SNX29: variants seen among roughly 807,000 people sequenced by gnomAD.
SNX29 encodes sorting nexin 29.
SNX29 carries 78 observed loss-of-function variants against 102.1 expected under a neutral mutation model. That is an observed-to-expected ratio of 0.76 (90% CI 0.64 to 0.92). The LOEUF is 0.92. Among genes scored for constraint, SNX29 ranks in the 40% least tolerant of loss-of-function variants. The probability of loss-of-function intolerance (pLI) is 0.00; values close to 1 mark genes in which losing one functional copy is unlikely to be tolerated. For missense variants in SNX29, 1,280 were observed against 1,061.7 expected, an observed-to-expected ratio of 1.21 and a Z score of -2.86; for synonymous variants, 580 against 414.5, an observed-to-expected ratio of 1.40 and a Z score of -4.85.
intron 20 of SNX29, among the ~76,000 whole-genome samples, chr16:12,537,644 TAC>T (rs1324631629): frequency 2.0e-5 from 3 of 152,068 alleles, no homozygotes; most frequent in South Asian, 2.1e-4. Context: ...TAGATATTAT[TAC>T]AGTTGTTTGC....
intron 13 of SNX29, among the ~76,000 whole-genome samples, chr16:12,158,565 TC>T (rs1328262361): frequency 6.6e-6 from 1 of 152,188 alleles, no homozygotes; most frequent in African/African-American, 2.4e-5. Flanking sequence ...TATTTTGTGG[TC>T]CATTTGCCTA....
At chr16:12,540,388 G>A (rs1325502276) in intron 20 of SNX29, among the ~76,000 whole-genome samples, 1 of 152,144 alleles carries the variant, frequency 6.6e-6, no homozygotes, top group Non-Finnish European at 1.5e-5. Flanking sequence ...CTACCAAATT[G>A]GCACAAAGTT....
intron 20 of SNX29, among the ~76,000 whole-genome samples, chr16:12,564,205 T>C (rs993694830): frequency 2.8e-4 from 39 of 139,982 alleles, no homozygotes; most frequent in African/African-American, 9.4e-4. Context: ...CTGGGCACCA[T>C]AGGGAGACCC....
At chr16:12,548,923 G>C (rs999918912) in intron 20 of SNX29, among the ~76,000 whole-genome samples, 4 of 152,224 alleles carry the variant, frequency 2.6e-5, no homozygotes, top group Non-Finnish European at 5.9e-5. Flanking sequence ...GTATTCTTCA[G>C]TACCTGCTAT....
chr16:12,527,090 A>G (rs576078542), intron 20 of SNX29: 6 of 447,160 alleles, frequency 1.3e-5, no homozygotes, highest in African/African-American at 1.2e-4. Context: ...GAAATTAAAC[A>G]GCTCTTTTAA....
intron 15 of SNX29, among the ~76,000 whole-genome samples, chr16:12,321,160 C>G (rs1740383825): frequency 6.6e-6 from 1 of 152,140 alleles, no homozygotes; most frequent in African/African-American, 2.4e-5. Flanking sequence ...CCACACTGCT[C>G]TGTTCCTACC....
chr16:12,532,928 C>A (rs1192358482), intron 20 of SNX29, among the ~76,000 whole-genome samples: 1 of 152,248 alleles, frequency 6.6e-6, no homozygotes, highest in Admixed American at 6.5e-5. Context: ...AGGCCGTCCT[C>A]CTCTGCTGCC....
intron 18 of SNX29, among the ~76,000 whole-genome samples, chr16:12,463,817 A>AGT (rs143006476): frequency 0.062 from 8,889 of 143,260 alleles, 270 homozygotes; most frequent in East Asian, 0.091. Context: ...TCCCGAAGTG[A>AGT]GTGTGTGTGT....
At chr16:12,323,014 G>A (rs1409142236) in intron 15 of SNX29, among the ~76,000 whole-genome samples, 1 of 63,326 alleles carries the variant, frequency 1.6e-5, no homozygotes. Flanking sequence ...GTCAGGATGC[G>A]GTCACTGGAG....
intron 11 of SNX29, among the ~76,000 whole-genome samples, chr16:12,097,673 AG>A (rs1162169021): frequency 6.6e-6 from 1 of 152,186 alleles, no homozygotes; most frequent in East Asian, 1.9e-4. Flanking sequence ...CTGAACTCTA[AG>A]CTAGGATCAA....
intron 6 of SNX29, among the ~76,000 whole-genome samples, chr16:12,046,970 A>T (rs2050114653): frequency 6.6e-6 from 1 of 152,154 alleles, no homozygotes; most frequent in Non-Finnish European, 1.5e-5. Flanking sequence ...GAGAAAGTGA[A>T]GATTTGAAGG....
intron 18 of SNX29, among the ~76,000 whole-genome samples, chr16:12,404,839 C>T (rs1342100278): frequency 6.6e-6 from 1 of 152,170 alleles, no homozygotes; most frequent in Non-Finnish European, 1.5e-5. Flanking sequence ...ATTCATTTCT[C>T]ACCTTCCCAA....
At chr16:12,022,974 G>A (rs1048053132) in intron 3 of SNX29, among the ~76,000 whole-genome samples, 7 of 145,650 alleles carry the variant, frequency 4.8e-5, no homozygotes, top group African/African-American at 1.8e-4. Flanking sequence ...TCAGCTCACT[G>A]CAACCTATGC....
chr16:12,449,948 G>T (rs902983060), intron 18 of SNX29, among the ~76,000 whole-genome samples: 28 of 152,326 alleles, frequency 1.8e-4, no homozygotes, highest in African/African-American at 6.7e-4. Context: ...CCCACGTGTT[G>T]TGGGAGGGAC....
In SNX29 at chr16:12,276,581, G is replaced by A. The variant is rs190577820; in HGVS notation, c.1679-1352G>A. Among the ~76,000 whole-genome samples, 177 of 152,284 alleles carry A rather than the reference G, an allele frequency of 1.2e-3. 1 individual carries two copies. The highest frequency in any genetic ancestry group is 4.1e-3 in the African/African-American group (171 of 41,564). ...CACTGCCCCTCCATACAGCTGATAG[G>A]GCATCCAAGGGATTTCTTGTCCCAG... On this transcript the variant is annotated intron_variant, in intron 14 of 20. Coordinates refer to ENST00000566228, the MANE Select transcript of SNX29 (RefSeq NM_032167.5).
At chr16:12,191,506 A>G (rs1246015878) in intron 13 of SNX29, among the ~76,000 whole-genome samples, 1 of 152,102 alleles carries the variant, frequency 6.6e-6, no homozygotes, top group Non-Finnish European at 1.5e-5. Flanking sequence ...TCAGTGCTGG[A>G]CAGGTGGTAG....
chr16:12,370,147 G>T (rs185512884), intron 16 of SNX29, among the ~76,000 whole-genome samples: 1 of 152,106 alleles, frequency 6.6e-6, no homozygotes, highest in Non-Finnish European at 1.5e-5. Context: ...GCTTAAATCC[G>T]GGAGGTGGAG....
At chr16:12,250,888 G>T (rs1001407205) in intron 14 of SNX29, among the ~76,000 whole-genome samples, 1 of 152,218 alleles carries the variant, frequency 6.6e-6, no homozygotes, top group Non-Finnish European at 1.5e-5. Context: ...AAGTCCCCCT[G>T]GGCTGGTGCC....
At chr16:12,518,694 A>T (rs2089973447) in intron 19 of SNX29, among the ~76,000 whole-genome samples, 1 of 152,170 alleles carries the variant, frequency 6.6e-6, no homozygotes, top group Non-Finnish European at 1.5e-5. Context: ...ATCCCAGCTA[A>T]ACATCTGTGG....
Sources: gnomAD v4.1 joint callset for allele counts (sites outside exome capture counted in the v4.1 genomes callset) on GRCh38, gnomAD v4.1.1 for gene constraint, MANE v1.5 for transcripts, NCBI Gene and HGNC (gene_info 2026-07-23, HGNC 2026-07-21) for gene names.